ICA1: variants seen among roughly 807,000 people sequenced by gnomAD.
ICA1 encodes the protein islet cell autoantigen 1.
Under a neutral mutation model 71.0 loss-of-function variants are expected in ICA1, and 40 were observed. That is an observed-to-expected ratio of 0.56 (90% CI 0.44 to 0.73). The LOEUF is 0.73. Ranked by LOEUF, ICA1 falls within the 30% of genes least tolerant of loss-of-function variation. ICA1 has a pLI of 0.00. For synonymous variants in ICA1, 207 were observed against 209.5 expected (o/e 0.99, Z 0.10); for missense variants, 578 against 576.5 (o/e 1.00, Z -0.03).
At chr7:8,165,855 G>C (rs1354394637) in intron 6 of ICA1, among the ~76,000 whole-genome samples, 2 of 152,144 alleles carry the variant, frequency 1.3e-5, no homozygotes, top group African/African-American at 4.8e-5. Flanking sequence ...ACAAAACACT[G>C]CTCAGTGAAA....
rs1176566423 is a variant in ICA1 at position 8,234,049 on chromosome 7, C to A, written c.18-1294G>T. Among the ~76,000 whole-genome samples the A allele has an allele frequency of 6.6e-6, 1 of 151,984 alleles. No individual in the cohort carries two copies. Among genetic ancestry groups the A allele is most frequent in the Non-Finnish European group, 1.5e-5 (1 of 67,994 alleles). On this transcript the variant is annotated intron_variant, in intron 2 of 13. Coordinates refer to ENST00000402384, the MANE Select transcript of ICA1 (RefSeq NM_001136020.3). This position sits in a 1 kb window ranked among gnomAD's most constrained non-coding sequence, Gnocchi z 4.5. Reference sequence around the variant, plus strand: ...ATCAGCCTGGGCAACATAGTAAAACCCCATCTCTACAAATAATTAGTCAGG... The same window carrying A: ...ATCAGCCTGGGCAACATAGTAAAACACCATCTCTACAAATAATTAGTCAGG...
At chr7:8,157,021 G>T in intron 8 of ICA1, 95 bp downstream of exon 8, 1 of 1,607,450 alleles carries the variant, frequency 6.2e-7, no homozygotes, top group Non-Finnish European at 8.5e-7. Flanking sequence ...TCTGAGTCCT[G>T]GAATAATGAT....
chr7:8,200,301 C>T (rs1585155300), intron 6 of ICA1, among the ~76,000 whole-genome samples: 3 of 111,524 alleles, frequency 2.7e-5, no homozygotes, highest in Admixed American at 1.3e-4. Flanking sequence ...GTAATTAGGG[C>T]TTCTTAAAGT....
intron 6 of ICA1, among the ~76,000 whole-genome samples, chr7:8,188,317 C>T (rs1784513160): frequency 6.6e-6 from 1 of 152,160 alleles, no homozygotes; most frequent in Admixed American, 6.5e-5. Context: ...CGCTGAAAAT[C>T]TCTCATCTTT....
chr7:8,139,193 T>G (rs1206519169), intron 10 of ICA1, 146 bp from the exon 11 acceptor site: 1 of 616,600 alleles, frequency 1.6e-6, no homozygotes, highest in Admixed American at 2.8e-5. Context: ...CAGATTACAC[T>G]GGACTCCTGC....
intron 12 of ICA1, among the ~76,000 whole-genome samples, chr7:8,131,553 C>T (rs1791446410): frequency 1.3e-5 from 2 of 152,148 alleles, no homozygotes; most frequent in Non-Finnish European, 2.9e-5. Flanking sequence ...GCTAACAGGC[C>T]ACACAGTGCA....
intron 6 of ICA1, among the ~76,000 whole-genome samples, chr7:8,166,880 G>A (rs62433161): frequency 0.15 from 19,689 of 130,176 alleles, 1,552 homozygotes; most frequent in East Asian, 0.33. Flanking sequence ...CATATGAAAA[G>A]AATGCTCAAC....
Position 8,124,149 on chromosome 7 carries a change from C to G in ICA1, c.1330+3724G>C, listed in dbSNP as rs560030290. Among the ~76,000 whole-genome samples, 240 of 117,030 alleles carry G rather than the reference C, an allele frequency of 2.1e-3. 1 individual carries two copies. The highest frequency in any genetic ancestry group is 7.4e-3 in the African/African-American group (225 of 30,514). 76.8% of individuals were successfully genotyped at this position (117,030 alleles called of 152,430 possible). On this transcript the variant is annotated intron_variant, in intron 13 of 13. Coordinates refer to ENST00000402384, the MANE Select transcript of ICA1 (RefSeq NM_001136020.3). Reference sequence around the variant, plus strand: ...TTTTTTTTTTTTTTTGAGACGGAGTCTCGCTCTGTCGCCCAGGCTGGAGTG... The same window carrying G: ...TTTTTTTTTTTTTTTGAGACGGAGTGTCGCTCTGTCGCCCAGGCTGGAGTG...
chr7:8,188,357 C>A (rs1784525380), intron 6 of ICA1, among the ~76,000 whole-genome samples: 1 of 152,204 alleles, frequency 6.6e-6, no homozygotes, highest in South Asian at 2.1e-4. Context: ...TAGCATCCTA[C>A]ACAGAGCTAC....
chr7:8,194,741 T>C (rs17144686), intron 6 of ICA1, among the ~76,000 whole-genome samples: 7,440 of 152,258 alleles, frequency 0.049, 229 homozygotes, highest in Non-Finnish European at 0.068. Context: ...AATAAAATAT[T>C]GGGCTATTGT....
intron 2 of ICA1, among the ~76,000 whole-genome samples, chr7:8,233,705 C>G (rs1800968016): frequency 6.6e-6 from 1 of 152,062 alleles, no homozygotes; most frequent in South Asian, 2.1e-4. Context: ...CCCATGGTGC[C>G]TATTGTTAAC....
chr7:8,172,965 C>G (rs984222299), intron 6 of ICA1, among the ~76,000 whole-genome samples: 12 of 152,140 alleles, frequency 7.9e-5, no homozygotes, highest in African/African-American at 2.9e-4. Context: ...TCCCTAAAAT[C>G]TTTCTATCAT....
chr7:8,184,695 GC>G (rs1783335021), intron 6 of ICA1, among the ~76,000 whole-genome samples: 1 of 152,192 alleles, frequency 6.6e-6, no homozygotes, highest in Non-Finnish European at 1.5e-5. Context: ...AAATATACAT[GC>G]AAGAGTATAG....
At chr7:8,213,836 C>T (rs916998088) in intron 6 of ICA1, among the ~76,000 whole-genome samples, 5 of 152,008 alleles carry the variant, frequency 3.3e-5, no homozygotes, top group African/African-American at 1.2e-4. Flanking sequence ...GTTAATAAAC[C>T]TTCTCACCAC....
intron 6 of ICA1, among the ~76,000 whole-genome samples, chr7:8,209,430 T>C (rs1455903770): frequency 6.6e-6 from 1 of 152,218 alleles, no homozygotes. Context: ...AGGATGTTAA[T>C]ATCAAATGAC....
intron 6 of ICA1, among the ~76,000 whole-genome samples, chr7:8,204,056 A>G (rs1790649797): frequency 6.9e-6 from 1 of 144,836 alleles, no homozygotes; most frequent in Admixed American, 6.7e-5. Flanking sequence ...AGACAGAGAG[A>G]TTGGTGAGAA....
chr7:8,123,415 G>T lies in ICA1; in HGVS notation c.1330+4458C>A, dbSNP rs976456055. Among the ~76,000 whole-genome samples, 2 of 152,056 alleles carry T rather than the reference G, an allele frequency of 1.3e-5. No homozygotes were observed. Among genetic ancestry groups the T allele is most frequent in the Non-Finnish European group, 2.9e-5 (2 of 68,000 alleles). On this transcript the variant is annotated intron_variant, in intron 13 of 13. Coordinates refer to ENST00000402384, the MANE Select transcript of ICA1 (RefSeq NM_001136020.3). This position sits in a 1 kb window ranked among gnomAD's most constrained non-coding sequence, Gnocchi z 4.1. ...AGGGGGAAATGTGGATTGTGAGAGG[G>T]GGTGAGGGAGCTGGGGACGCGGCCC... is the stretch of plus-strand genomic sequence containing the variant.
intron 6 of ICA1, among the ~76,000 whole-genome samples, chr7:8,167,815 G>A (rs1462099623): frequency 1.3e-5 from 2 of 152,110 alleles, no homozygotes; most frequent in African/African-American, 4.8e-5. Flanking sequence ...TCAGTGAACG[G>A]CACCTGATCA....
At chr7:8,260,131 T>G (rs554896915) in intron 1 of ICA1, among the ~76,000 whole-genome samples, 1 of 152,194 alleles carries the variant, frequency 6.6e-6, no homozygotes. Flanking sequence ...ATGAGGTTTC[T>G]ATAATCTTAA....
Sources: allele counts gnomAD v4.1 joint callset (sites outside exome capture counted in the v4.1 genomes callset), GRCh38; gene constraint gnomAD v4.1.1; non-coding constraint Gnocchi (gnomAD v3.1); transcripts MANE v1.5; gene names NCBI Gene and HGNC (gene_info 2026-07-23, HGNC 2026-07-21).